SHANK2: variants seen among roughly 807,000 people sequenced by gnomAD.
SHANK2 encodes SH3 and multiple ankyrin repeat domains 2.
In SHANK2, 43 loss-of-function variants were observed where a neutral mutation model predicts 133.7. The ratio of observed to expected loss-of-function variants is 0.32; its 90% CI spans 0.25 to 0.41. The LOEUF (loss-of-function observed/expected upper bound fraction) is 0.41. Among genes scored for constraint, SHANK2 ranks in the 10% least tolerant of loss-of-function variants. The pLI, the probability that SHANK2 is intolerant of heterozygous loss-of-function variation, is 1.00. For synonymous variants in SHANK2, 1,017 were observed against 952.8 expected (o/e 1.07, Z -1.24); for missense variants, 1,994 against 2,235.8 (o/e 0.89, Z 2.18).
intron 17 of SHANK2, among the ~76,000 whole-genome samples, chr11:70,641,522 C>T (rs868949364): frequency 6.6e-6 from 1 of 152,046 alleles, no homozygotes; most frequent in South Asian, 2.1e-4. Flanking sequence ...CCCAGCCTCC[C>T]CTGCAGGGAG....
At chr11:70,828,625 C>G (rs1197340213) in intron 11 of SHANK2, among the ~76,000 whole-genome samples, 2 of 152,184 alleles carry the variant, frequency 1.3e-5, no homozygotes, top group Non-Finnish European at 2.9e-5. Flanking sequence ...GCCAGGGGGG[C>G]CAGAAGCTTT....
intron 17 of SHANK2, among the ~76,000 whole-genome samples, chr11:70,541,357 C>A (rs1270436195): frequency 6.6e-6 from 1 of 152,190 alleles, no homozygotes; most frequent in Non-Finnish European, 1.5e-5. Context: ...TAGCCACCGG[C>A]CCCCCACCAA....
intron 17 of SHANK2, among the ~76,000 whole-genome samples, chr11:70,563,581 C>G (rs1278261418): frequency 2.0e-5 from 3 of 148,096 alleles, no homozygotes; most frequent in African/African-American, 7.5e-5. Flanking sequence ...TTTTGTTGCC[C>G]AGGCTAGAGT....
chr11:70,688,572 AT>A (rs1304018767), intron 15 of SHANK2, among the ~76,000 whole-genome samples: 1 of 152,192 alleles, frequency 6.6e-6, no homozygotes, highest in Non-Finnish European at 1.5e-5. Context: ...GAAATTATAT[AT>A]TTCACAGATG....
At chr11:70,630,909 G>A (rs143941392) in intron 17 of SHANK2, among the ~76,000 whole-genome samples, 1 of 152,336 alleles carries the variant, frequency 6.6e-6, no homozygotes, top group African/African-American at 2.4e-5. Context: ...TAGGAGGCCA[G>A]TGTGGTGACC....
chr11:70,914,615 T>C (rs1217705855), intron 10 of SHANK2, among the ~76,000 whole-genome samples: 3 of 147,274 alleles, frequency 2.0e-5, no homozygotes, highest in African/African-American at 7.6e-5. Context: ...GCCAGGAGTG[T>C]AAGACCGGCC....
In SHANK2 at chr11:70,952,046, GGCAA is replaced by G. The variant is rs1193556094; in HGVS notation, c.1108-55483_1108-55480del. ...GTTCTAGATAGACATGAATTTACGG[GGCAA>G]ACGCTTTGACTCAGTAAGGGAGCAT... On this transcript the variant is annotated intron_variant, in intron 10 of 25. Coordinates refer to ENST00000601538, the MANE Select transcript of SHANK2 (RefSeq NM_012309.5). Among the ~76,000 whole-genome samples the G allele has an allele frequency of 5.6e-4, 86 of 152,290 alleles. No homozygotes were observed. In the East Asian group the frequency reaches 0.015, roughly 27 times the overall value.
chr11:70,656,919 A>C (rs1362712320), intron 17 of SHANK2, among the ~76,000 whole-genome samples: 3 of 152,226 alleles, frequency 2.0e-5, no homozygotes, highest in East Asian at 3.9e-4. Context: ...TACCCAAGAA[A>C]GTCATGCACA....
chr11:71,114,020 C>T (rs1951935767), intron 4 of SHANK2, among the ~76,000 whole-genome samples: 1 of 152,170 alleles, frequency 6.6e-6, no homozygotes, highest in Admixed American at 6.5e-5. Context: ...CTCCAGCCCC[C>T]CGCTTGGCTG....
intron 17 of SHANK2, among the ~76,000 whole-genome samples, chr11:70,615,973 A>G (rs2060736079): frequency 6.6e-6 from 1 of 152,070 alleles, no homozygotes; most frequent in Admixed American, 6.6e-5. Flanking sequence ...TGTCCCTGAG[A>G]GGGCTGCTGA....
At chr11:70,573,414 C>G (rs1591597503) in intron 17 of SHANK2, among the ~76,000 whole-genome samples, 1 of 151,096 alleles carries the variant, frequency 6.6e-6, no homozygotes, top group African/African-American at 2.4e-5. Flanking sequence ...CACGTGAAAA[C>G]TTATAGAATT....
At chr11:71,112,086 G>A (rs1055051946) in intron 5 of SHANK2, among the ~76,000 whole-genome samples, 18 of 152,238 alleles carry the variant, frequency 1.2e-4, no homozygotes, top group Non-Finnish European at 2.1e-4. Flanking sequence ...TGACAGATTA[G>A]AACTCAGTGA....
intron 17 of SHANK2, among the ~76,000 whole-genome samples, chr11:70,565,140 T>C (rs1396210035): frequency 6.6e-6 from 1 of 152,200 alleles, no homozygotes; most frequent in Non-Finnish European, 1.5e-5. Flanking sequence ...ATTGTACTTG[T>C]TGGGGGCGCT....
chr11:71,144,716 A>G (rs569967507), intron 3 of SHANK2, among the ~76,000 whole-genome samples: 10 of 152,350 alleles, frequency 6.6e-5, no homozygotes, highest in Non-Finnish European at 1.2e-4. Context: ...GTGTTTCATA[A>G]TCACTTCTTT....
intron 14 of SHANK2, among the ~76,000 whole-genome samples, chr11:70,700,174 C>G (rs1355568614): frequency 6.6e-6 from 1 of 152,222 alleles, no homozygotes; most frequent in Non-Finnish European, 1.5e-5. Context: ...TCCCCACAAA[C>G]CCCCGAGGCT....
intron 6 of SHANK2, among the ~76,000 whole-genome samples, chr11:71,098,938 G>A (rs1485164203): frequency 2.6e-5 from 4 of 152,134 alleles, no homozygotes; most frequent in African/African-American, 9.7e-5. Context: ...GAAACCTGAT[G>A]GACACGAGCT....
chr11:70,635,058 G>A (rs547481676), intron 17 of SHANK2: 68 of 152,308 alleles, frequency 4.5e-4, no homozygotes, highest in African/African-American at 1.5e-3. Flanking sequence ...AAGTAATGAC[G>A]CTGGTGAGTA....
rs61208287 is a variant in SHANK2 at position 70,741,231 on chromosome 11, G to GCATCCATCCATC, written c.1778-42480_1778-42469dup. Among the ~76,000 whole-genome samples the GCATCCATCCATC allele has an allele frequency of 1.5e-3, 217 of 143,310 alleles. 1 individual carries two copies. The highest frequency in any genetic ancestry group is 4.7e-3 in the African/African-American group (178 of 37,678). 94.0% of individuals were successfully genotyped at this position (143,310 alleles called of 152,430 possible). ...TCCAAACATTCATGCATTTAACCATGCATCCATCCATCCATCCATCCATCC... is the reference window on the plus strand; with the variant it reads ...TCCAAACATTCATGCATTTAACCATGCATCCATCCATCCATCCATCCATCCATCCATCCATCC... On this transcript the variant is annotated intron_variant, in intron 14 of 25. Transcript: ENST00000601538.
chr11:70,622,752 T>C (rs2060847835), intron 17 of SHANK2, among the ~76,000 whole-genome samples: 1 of 152,206 alleles, frequency 6.6e-6, no homozygotes, highest in Non-Finnish European at 1.5e-5. Flanking sequence ...CACAGTTCTG[T>C]GGAACACCAT....
Sources: gnomAD v4.1 joint callset for allele counts (sites outside exome capture counted in the v4.1 genomes callset) on GRCh38, gnomAD v4.1.1 for gene constraint, MANE v1.5 for transcripts, NCBI Gene and HGNC (gene_info 2026-07-23, HGNC 2026-07-21) for gene names.